Variants in MKLN1 observed in about 807,000 individuals in gnomAD.
MKLN1 encodes muskelin 1, also known as muskelin.
MKLN1 carries 18 observed loss-of-function variants against 99.0 expected under a neutral mutation model. The ratio of observed to expected loss-of-function variants is 0.18; its 90% CI spans 0.13 to 0.27. The LOEUF is 0.27. MKLN1 is among the 10% of genes least tolerant of loss of function. The pLI, the probability that MKLN1 is intolerant of heterozygous loss-of-function variation, is 1.00. For missense variants in MKLN1, 621 were observed against 875.9 expected, an observed-to-expected ratio of 0.71 and a Z score of 3.67; for synonymous variants, 288 against 293.2, an observed-to-expected ratio of 0.98 and a Z score of 0.18.
intron 7 of MKLN1, among the ~76,000 whole-genome samples, chr7:131,413,591 G>C (rs1794936218): frequency 6.6e-6 from 1 of 151,824 alleles, no homozygotes; most frequent in Non-Finnish European, 1.5e-5. Context: ...CCCAGCCGGA[G>C]TGCAGTGGTG....
chr7:131,217,525 C>T (rs540481444), intron 3 of MKLN1, among the ~76,000 whole-genome samples: 13 of 151,546 alleles, frequency 8.6e-5, no homozygotes, highest in Non-Finnish European at 1.8e-4. Context: ...TGGTGAAACC[C>T]TGTCTCTACT....
chr7:131,362,719 C>T (rs567090556), intron 1 of MKLN1, among the ~76,000 whole-genome samples: 5 of 151,800 alleles, frequency 3.3e-5, no homozygotes, highest in South Asian at 2.1e-4. Context: ...GCTATTTTAG[C>T]GGTATCTTTT....
In MKLN1 at chr7:131,495,115, A is replaced by G. The variant is rs1346656351; in HGVS notation, c.*7387A>G. 2.0e-5 allele frequency: 3 copies of G among 152,148 alleles called. No individual in the cohort carries two copies. The highest frequency in any genetic ancestry group is 4.8e-5 in the African/African-American group (2 of 41,412). The allele number at this position is 152,148 out of a possible 1,614,324, so 9.4% of individuals were successfully genotyped here. A position where few individuals can be genotyped will look rare whatever the true frequency, so the allele number is the denominator to read the frequency against. On this transcript the variant is annotated 3_prime_UTR_variant, in exon 18 of 18. Transcript: ENST00000352689. ...CGTCTTTCAAATATGGCATATTTCT[A>G]AACAGTTTGGGAAAGATGTTAGAAT...
At chr7:131,217,853 G>A (rs574361830) in intron 3 of MKLN1, among the ~76,000 whole-genome samples, 3 of 152,290 alleles carry the variant, frequency 2.0e-5, no homozygotes, top group East Asian at 1.9e-4. Flanking sequence ...ATGTGTAATC[G>A]CCCAACCGGG....
At chr7:131,259,690 A>G (rs1382061596) in intron 3 of MKLN1, among the ~76,000 whole-genome samples, 2 of 152,132 alleles carry the variant, frequency 1.3e-5, no homozygotes, top group Non-Finnish European at 2.9e-5. Flanking sequence ...AAATATATAT[A>G]ATGTAAAATT....
chr7:131,138,700 G>GA (rs145800998), intron 1 of MKLN1, among the ~76,000 whole-genome samples: 23,888 of 151,058 alleles, frequency 0.16, 2,150 homozygotes, highest in East Asian at 0.3. Flanking sequence ...TGAGTGAAAT[G>GA]AAAAAAAAAA....
In MKLN1 at chr7:131,190,120, C is replaced by G. The variant is rs1021225430; in HGVS notation, c.-296-12737C>G. Among the ~76,000 whole-genome samples the G allele has an allele frequency of 2.0e-5, 3 of 152,064 alleles. No homozygotes were observed. The East Asian group carries it at 5.8e-4, about 29-fold the overall frequency. Reference sequence around the variant, plus strand: ...CTCCATCTCTCTGGATCCCCCACCCCCTTAAGGATTTCTTAAAAAACGAAA... The same window carrying G: ...CTCCATCTCTCTGGATCCCCCACCCGCTTAAGGATTTCTTAAAAAACGAAA... On this transcript the variant is annotated intron_variant, in intron 2 of 7. Coordinates refer to the MKLN1 transcript ENST00000416992.
chr7:131,330,961 C>T (rs923908988), intron 1 of MKLN1, among the ~76,000 whole-genome samples: 1 of 151,992 alleles, frequency 6.6e-6, no homozygotes, highest in East Asian at 1.9e-4. Context: ...CTGAAATTTA[C>T]ACCTAATTTA....
chr7:131,245,340 T>C (rs1294685095), intron 3 of MKLN1, among the ~76,000 whole-genome samples: 1 of 148,828 alleles, frequency 6.7e-6, no homozygotes, highest in Non-Finnish European at 1.5e-5. Flanking sequence ...TGATCTCGGC[T>C]CACTGCAACC....
At chr7:131,416,616 T>C (rs1392623807) in intron 8 of MKLN1, among the ~76,000 whole-genome samples, 1 of 151,812 alleles carries the variant, frequency 6.6e-6, no homozygotes, top group African/African-American at 2.4e-5. Flanking sequence ...AATATTTTTG[T>C]TTTATGCATT....
At chr7:131,438,029 TA>T (rs1795724726) in intron 10 of MKLN1, 32 bp downstream of exon 10, 1 of 1,497,534 alleles carries the variant, frequency 6.7e-7, no homozygotes, top group Non-Finnish European at 9.3e-7. Context: ...ATGATGGAAT[TA>T]ATCAGTGCTT....
chr7:131,322,169 G>T (rs904930565), intron 3 of MKLN1, among the ~76,000 whole-genome samples: 3 of 152,118 alleles, frequency 2.0e-5, no homozygotes, highest in African/African-American at 7.2e-5. Context: ...TTTTGTTTGT[G>T]TGTTTGTTTT....
chr7:131,349,042 A>T lies in MKLN1; in HGVS notation c.98+21045A>T, dbSNP rs889806833. Among the ~76,000 whole-genome samples, 42 of 152,298 alleles carry T rather than the reference A, an allele frequency of 2.8e-4. 1 individual carries two copies. The highest frequency in any genetic ancestry group is 3.4e-3 in the Middle Eastern group (1 of 294). ...TTTAAAGACATGCACCCTCCCCCACATCCACATGTTATAGTTCATATTAAG... is the reference window on the plus strand; with the variant it reads ...TTTAAAGACATGCACCCTCCCCCACTTCCACATGTTATAGTTCATATTAAG... On this transcript the variant is annotated intron_variant, in intron 1 of 17. Transcript: ENST00000352689.
chr7:131,240,747 G>A (rs1797390308), intron 3 of MKLN1, among the ~76,000 whole-genome samples: 1 of 152,086 alleles, frequency 6.6e-6, no homozygotes, highest in Non-Finnish European at 1.5e-5. Context: ...AGCAAAAGGT[G>A]GATTAAATGA....
At chr7:131,280,128 A>G (rs1454275782) in intron 3 of MKLN1, among the ~76,000 whole-genome samples, 2 of 152,170 alleles carry the variant, frequency 1.3e-5, no homozygotes, top group African/African-American at 4.8e-5. Context: ...TGTAGCATCT[A>G]TCATCAGTAA....
chr7:131,433,630 C>G (rs1291650179), intron 9 of MKLN1, among the ~76,000 whole-genome samples: 2 of 152,116 alleles, frequency 1.3e-5, no homozygotes, highest in African/African-American at 4.8e-5. Flanking sequence ...GCTTTGGCAC[C>G]TTGGCCAAAA....
intron 3 of MKLN1, among the ~76,000 whole-genome samples, chr7:131,295,174 T>C (rs1798272396): frequency 6.6e-6 from 1 of 152,134 alleles, no homozygotes; most frequent in African/African-American, 2.4e-5. Context: ...CTTATTTTTA[T>C]TTTATTTTAT....
At chr7:131,184,552 T>G (rs1443598620) in intron 2 of MKLN1, among the ~76,000 whole-genome samples, 1 of 151,846 alleles carries the variant, frequency 6.6e-6, no homozygotes, top group Non-Finnish European at 1.5e-5. Flanking sequence ...GAGATGGAGT[T>G]TCGTTCTTGT....
At chr7:131,185,306 G>T (rs568025139) in intron 2 of MKLN1, among the ~76,000 whole-genome samples, 1 of 151,954 alleles carries the variant, frequency 6.6e-6, no homozygotes, top group Admixed American at 6.6e-5. Flanking sequence ...GGCCCGGCAC[G>T]GTGGCTCACA....
Sources: gnomAD v4.1 joint callset for allele counts (sites outside exome capture counted in the v4.1 genomes callset) on GRCh38, gnomAD v4.1.1 for gene constraint, MANE v1.5 for transcripts, NCBI Gene and HGNC (gene_info 2026-07-23, HGNC 2026-07-21) for gene names.